The following DGKQ variants were observed in gnomAD, a reference collection of about 807,000 sequenced individuals.
DGKQ encodes the protein diacylglycerol kinase theta.
DGKQ carries 97 observed loss-of-function variants against 104.2 expected under a neutral mutation model. That is an observed-to-expected ratio of 0.93 (90% CI 0.79 to 1.10). The LOEUF (loss-of-function observed/expected upper bound fraction) is 1.10, where lower values mean the gene tolerates loss of function less well. Ranked by LOEUF, DGKQ falls within the 50% of genes least tolerant of loss-of-function variation. The pLI is 0.00. For missense variants in DGKQ, 1,465 were observed against 1,352.1 expected (o/e 1.08, Z -1.31); for synonymous variants, 736 against 595.2 (o/e 1.24, Z -3.44).
In DGKQ at chr4:960,690, G is replaced by T; in HGVS notation, c.2759C>A (p.Pro920Gln). 6.2e-7 allele frequency: 1 copy of T among 1,611,996 alleles called. No individual in the cohort carries two copies. Among genetic ancestry groups the T allele is most frequent in the Non-Finnish European group, 8.5e-7 (1 of 1,179,728 alleles). Residue 920 changes from proline (P) to glutamine (Q), a missense_variant, in exon 23 of 23, where the codon CCG becomes CAG. By Grantham distance (76) the Pro-to-Gln change is moderately conservative (BLOSUM62 -1). Transcript: ENST00000273814. ...VHMLRKAKQK[P>Q]RRAGTTRDAR... ...ATCCCTGGTGGTCCCGGCCCTCCTC[G>T]GCTTCTGCTTGGCCTTCCTCAGCAT...
At position 960,713 on chromosome 4, in the gene DGKQ, C is replaced by A; in HGVS notation, c.2736G>T (p.Met912Ile). The A allele has an allele frequency of 3.1e-6, 5 of 1,612,050 alleles. No individual in the cohort carries two copies. The highest frequency in any genetic ancestry group is 1.7e-6 in the Non-Finnish European group (2 of 1,179,696). The change falls in exon 23 of 23, where the codon ATG becomes ATT. Residue 912 changes from methionine to isoleucine, a missense_variant. Met to Ile is a conservative substitution (Grantham distance 10). Coordinates refer to ENST00000273814, the MANE Select transcript of DGKQ (RefSeq NM_001347.4). ...IISAAGPKVHMLRKAKQKPRR... is the reference protein window; with the variant it reads ...IISAAGPKVHILRKAKQKPRR... ...TCGGCTTCTGCTTGGCCTTCCTCAG[C>A]ATGTGCACCTGTCCCAGGGCAGGGG...
intron 12 of DGKQ, 55 bp from the exon 13 acceptor site, chr4:966,133 G>A: frequency 1.3e-6 from 2 of 1,524,216 alleles, no homozygotes; most frequent in Non-Finnish European, 1.8e-6. Flanking sequence ...CACCGCACCA[G>A]GCCCTCTGTC....
chr4:963,038 G>A, intron 16 of DGKQ, 101 bp downstream of exon 16: 1 of 1,490,326 alleles, frequency 6.7e-7, no homozygotes, highest in Non-Finnish European at 9.0e-7. Flanking sequence ...CCCAGCACGG[G>A]ATCCCCGTGG....
chr4:963,268 C>T lies in DGKQ; in HGVS notation c.1757G>A (p.Ser586Asn). Residue 586 changes from serine (S) to asparagine (N), a missense_variant, in exon 16 of 23, where the codon AGC becomes AAC. Physicochemically the swap from Ser to Asn is conservative, Grantham distance 46. Coordinates refer to ENST00000273814, the MANE Select transcript of DGKQ (RefSeq NM_001347.4). ...GTTCACGAACACAAGGAGGGGACAG[C>T]TGTCTGGGGGCAGCTTCGCGTGCTG... ...DLLHAKLPPD[S>N]CPLLVFVNPK... 1.2e-6 allele frequency: 2 copies of T among 1,606,640 alleles called. No homozygotes were observed. Among genetic ancestry groups the T allele is most frequent in the Admixed American group, 1.7e-5 (1 of 59,840 alleles).
In DGKQ at chr4:973,529, C is replaced by T; in HGVS notation, c.-47G>A. 3.0e-6 allele frequency: 3 copies of T among 986,134 alleles called. No homozygotes were observed. The highest frequency in any genetic ancestry group is 3.6e-6 in the Non-Finnish European group (3 of 830,542). The allele number at this position is 986,134 out of a possible 1,614,324, so 61.1% of individuals were successfully genotyped here. A position where few individuals can be genotyped will look rare whatever the true frequency, so the allele number is the denominator to read the frequency against. ...CCCCTTTAGGTCCGCGCCGGGGGTACAGGAGCCGCCGCTCCACGGCCCGGT... is the reference window on the plus strand; with the variant it reads ...CCCCTTTAGGTCCGCGCCGGGGGTATAGGAGCCGCCGCTCCACGGCCCGGT... On this transcript the variant is annotated 5_prime_UTR_variant, in exon 1 of 23. Transcript: ENST00000273814.
At position 973,553 on chromosome 4, in the gene DGKQ, G is replaced by C. The variant is rs1394627070; in HGVS notation, c.-71C>G. ...ACAGGAGCCGCCGCTCCACGGCCCG[G>C]TACACTGCTTCCGACTGCGCCTGCC... On this transcript the variant is annotated 5_prime_UTR_variant, in exon 1 of 23. Transcript: ENST00000273814. 8 of 981,342 alleles carry C rather than the reference G, an allele frequency of 8.2e-6. No individual in the cohort carries two copies. Among genetic ancestry groups the C allele is most frequent in the African/African-American group, 7.0e-5 (4 of 57,038 alleles). The allele number at this position is 981,342 out of a possible 1,614,324, so 60.8% of individuals were successfully genotyped here. A position where few individuals can be genotyped will look rare whatever the true frequency, so the allele number is the denominator to read the frequency against.
rs547261014 is a variant in DGKQ, at chr4:970,398, G to A, written c.351+595C>T. On this transcript the variant is annotated intron_variant, in intron 2 of 22. Transcript: ENST00000273814. ...TGCTGTCACCACTGTCACCAGAGAA[G>A]GGAAGTCCCCTGTGCCCTGCAGTGA... 9.8e-5 allele frequency among the ~76,000 whole-genome samples: 15 copies of A among 152,342 alleles called. No individual in the cohort carries two copies. The East Asian group carries it at 2.9e-3, about 29-fold the overall frequency.
rs1281723993 is a variant in DGKQ at position 968,327 on chromosome 4, G to A, written c.618C>T (p.Ser206=). Residue 206 remains serine, a synonymous_variant, in exon 5 of 23, where the codon TCC becomes TCT. Transcript: ENST00000273814. ...RCEVCRKTCG[S]SDVLAGVRCE... is the part of the protein sequence containing the mutation. The stretch of plus-strand genomic sequence containing the variant: ...AGCGCACGCCGGCCAGCACGTCAGA[G>A]GAGCCGCACGTCTTCCTGCAGACCT... 1.6e-5 allele frequency: 21 copies of A among 1,289,168 alleles called. No homozygotes were observed. In the Admixed American group the frequency reaches 5.8e-4, roughly 35 times the overall value. 79.9% of individuals were successfully genotyped at this position (1,289,168 alleles called of 1,614,324 possible).
chr4:967,416 T>TG (rs1712479736), intron 8 of DGKQ, 55 bp from the exon 9 acceptor site: 6 of 454,880 alleles, frequency 1.3e-5, no homozygotes, highest in Non-Finnish European at 1.6e-5. Flanking sequence ...CGGGGTTCAG[T>TG]GGGGGGCAGG....
At chr4:972,222 C>T (rs1190609625) in intron 1 of DGKQ, among the ~76,000 whole-genome samples, 1 of 152,130 alleles carries the variant, frequency 6.6e-6, no homozygotes, top group Non-Finnish European at 1.5e-5. Flanking sequence ...TCGGGAGCTG[C>T]CTCAGCCACA....
Position 969,062 on chromosome 4 carries a change from C to T in DGKQ, c.352-152G>A, listed in dbSNP as rs1018866769. 1.1e-5 allele frequency: 6 copies of T among 539,930 alleles called. No individual in the cohort carries two copies. In the African/African-American group the frequency reaches 1.2e-4, roughly 11 times the overall value. 33.4% of individuals were successfully genotyped at this position (539,930 alleles called of 1,614,324 possible). On this transcript the variant is annotated intron_variant, in intron 2 of 22. Transcript: ENST00000273814. Reference sequence around the variant, plus strand: ...CTGTGCTAGCTGGAGGCCCCAGGAACAACCACACCCCCAGGTCCTGGGGAC... The same window carrying T: ...CTGTGCTAGCTGGAGGCCCCAGGAATAACCACACCCCCAGGTCCTGGGGAC...
intron 11 of DGKQ, 72 bp from the exon 12 acceptor site, chr4:966,599 C>A (rs1712365299): frequency 2.6e-6 from 4 of 1,544,872 alleles, no homozygotes; most frequent in Non-Finnish European, 3.5e-6. Context: ...CCCGGAGCCC[C>A]CAGGGCCCGT....
At chr4:966,378 CG>C in intron 12 of DGKQ, 87 bp downstream of exon 12, 2 of 1,423,098 alleles carry the variant, frequency 1.4e-6, no homozygotes, top group Non-Finnish European at 2.0e-6. Context: ...AAGGAGAACT[CG>C]GCGTCTGGGG....
At position 962,478 on chromosome 4, in the gene DGKQ, G is replaced by A. The variant is rs764771758; in HGVS notation, c.2171C>T (p.Ala724Val). The part of the protein sequence containing the change: ...RWTILLDAHE[A>V]GSAENDTADA... Reference sequence around the variant, plus strand: ...TGCCGTGTCGTTCTCTGCACTGCCAGCCTCGTGGGCATCCAGCAGGATGGT... The same window carrying A: ...TGCCGTGTCGTTCTCTGCACTGCCAACCTCGTGGGCATCCAGCAGGATGGT... Residue 724 changes from alanine (A) to valine (V), a missense_variant, in exon 18 of 23, where the codon GCT (alanine) becomes GTT (valine). By Grantham distance (64) the Ala-to-Val change is moderately conservative (BLOSUM62 0). Transcript: ENST00000273814. 15 of 1,606,008 alleles carry A rather than the reference G, an allele frequency of 9.3e-6. No homozygotes were observed. The Admixed American group carries it at 1.2e-4, about 13-fold the overall frequency.
intron 3 of DGKQ, 62 bp from the exon 4 acceptor site, chr4:968,626 G>A (rs1416919427): frequency 6.7e-7 from 1 of 1,491,188 alleles, no homozygotes; most frequent in Non-Finnish European, 9.1e-7. Flanking sequence ...CTCTGCCGGT[G>A]CTTGGGTCTG....
chr4:972,413 C>T (rs1712999143), intron 1 of DGKQ, among the ~76,000 whole-genome samples: 1 of 152,192 alleles, frequency 6.6e-6, no homozygotes, highest in African/African-American at 2.4e-5. Context: ...ACAGTCTCCT[C>T]TGCGGACCCT....
chr4:967,399 G>A, intron 8 of DGKQ, 38 bp from the exon 9 acceptor site: 3 of 1,450,808 alleles, frequency 2.1e-6, no homozygotes, highest in African/African-American at 1.4e-5. Flanking sequence ...AGTTGTGGGG[G>A]GTCAGGCGGG....
Position 959,335 on chromosome 4 carries a change from C to A in DGKQ, c.*1285G>T. The A allele has an allele frequency of 6.6e-6, 1 of 152,606 alleles. No individual in the cohort carries two copies. 9.5% of individuals were successfully genotyped at this position (152,606 alleles called of 1,614,324 possible). A position where few individuals can be genotyped will look rare whatever the true frequency, so the allele number is the denominator to read the frequency against. On this transcript the variant is annotated 3_prime_UTR_variant, in exon 23 of 23. Coordinates refer to ENST00000273814, the MANE Select transcript of DGKQ (RefSeq NM_001347.4). ...AGCTCCGCAGGATTGGAGGCCCAGG[C>A]CAGCTGTGCCCCACAAGGGAAGGGG...
At chr4:962,669 G>A in intron 17 of DGKQ, 56 bp from the exon 18 acceptor site, 1 of 1,592,084 alleles carries the variant, frequency 6.3e-7, no homozygotes, top group Non-Finnish European at 8.5e-7. Flanking sequence ...CATCAGCTGG[G>A]TGCAGACCCC....
Sources: gnomAD v4.1 joint callset for allele counts (sites outside exome capture counted in the v4.1 genomes callset) on GRCh38, gnomAD v4.1.1 for gene constraint, MANE v1.5 for transcripts, NCBI Gene and HGNC (gene_info 2026-07-23, HGNC 2026-07-21) for gene names.